The following NLRP5 variants were observed in gnomAD, a reference collection of about 807,000 sequenced individuals.
The protein encoded by NLRP5 is NLR family pyrin domain containing 5, also known as NACHT, LRR and PYD domains-containing protein 5.
NLRP5 carries 93 observed loss-of-function variants against 113.1 expected under a neutral mutation model. The ratio of observed to expected loss-of-function variants is 0.82; its 90% confidence interval spans 0.70 to 0.98. NLRP5 has a LOEUF of 0.98. Among genes scored for constraint, NLRP5 ranks in the 50% least tolerant of loss-of-function variants. The pLI is 0.00. For synonymous variants in NLRP5, 751 were observed against 600.7 expected, an observed-to-expected ratio of 1.25 and a Z score of -3.66; for missense variants, 1,808 against 1,514.3, an observed-to-expected ratio of 1.19 and a Z score of -3.22.
upstream of NLRP5, among the ~76,000 whole-genome samples, chr19:55,998,208 G>C (rs1427535250): frequency 1.3e-5 from 2 of 151,944 alleles, no homozygotes; most frequent in Non-Finnish European, 2.9e-5. Context: ...AAAAATATAA[G>C]AAACCAGGTG....
At chr19:56,021,383 A>G (rs2123294839) in intron 6 of NLRP5, among the ~76,000 whole-genome samples, 1 of 152,258 alleles carries the variant, frequency 6.6e-6, no homozygotes, top group African/African-American at 2.4e-5. Flanking sequence ...TATATGATTC[A>G]ATTATTTTTA....
chr19:56,058,439 T>C, intron 14 of NLRP5, 29 bp downstream of exon 14: 1 of 1,580,568 alleles, frequency 6.3e-7, no homozygotes, highest in Non-Finnish European at 8.6e-7. Flanking sequence ...TCTTCTGAGA[T>C]ACAGACCTGC....
Position 56,061,787 on chromosome 19 carries a change from A to C in NLRP5, c.*259A>C, listed in dbSNP as rs1182958170. Reference sequence around the variant, plus strand: ...ATCTCAGAGCATATAGAGGGAATTAAATAAACACAAAGCATTTGGAAAAGT... The same window carrying C: ...ATCTCAGAGCATATAGAGGGAATTACATAAACACAAAGCATTTGGAAAAGT... On this transcript the variant is annotated 3_prime_UTR_variant, in exon 15 of 15. Coordinates refer to ENST00000390649, the MANE Select transcript of NLRP5 (RefSeq NM_153447.4). The C allele has an allele frequency of 2.8e-6, 1 of 360,700 alleles. No homozygotes were observed. Among genetic ancestry groups the C allele is most frequent in the Non-Finnish European group, 5.0e-6 (1 of 200,558 alleles). The allele number at this position is 360,700 out of a possible 1,614,324, so 22.3% of individuals were successfully genotyped here.
chr19:56,048,722 C>T (rs1983816345), intron 11 of NLRP5, among the ~76,000 whole-genome samples: 1 of 152,112 alleles, frequency 6.6e-6, no homozygotes, highest in African/African-American at 2.4e-5. Context: ...TGATTAATTT[C>T]CTGGGTGTTC....
chr19:56,053,600 G>A (rs1432578462), intron 12 of NLRP5, 38 bp from the exon 13 acceptor site: 15 of 1,583,542 alleles, frequency 9.5e-6, no homozygotes, highest in African/African-American at 1.3e-5. Flanking sequence ...CACTTTCCTC[G>A]AGAGAGGCAG....
chr19:56,022,192 G>A (rs952530821), intron 6 of NLRP5, among the ~76,000 whole-genome samples: 1 of 152,022 alleles, frequency 6.6e-6, no homozygotes, highest in African/African-American at 2.4e-5. Context: ...ACACCTTCAC[G>A]CTAACCTAGT....
the NLRP5 span, chr19:55,988,753 T>C: frequency 7.2e-5 from 11 of 152,088 alleles, no homozygotes; most frequent in African/African-American, 1.4e-4. Flanking sequence ...TTAATTCAAA[T>C]TACGTGTATA....
intron 6 of NLRP5, among the ~76,000 whole-genome samples, chr19:56,024,429 ACACATAT>A (rs1385827658): frequency 3.4e-5 from 5 of 145,762 alleles, no homozygotes; most frequent in African/African-American, 1.3e-4. Context: ...TGTTATATAT[ACACATAT>A]ACATATATTT....
Position 56,003,767 on chromosome 19 carries a change from A to G in NLRP5, c.114A>G (p.Pro38=), listed in dbSNP as rs762950256. Reference sequence around the variant, plus strand: ...CTTGCTCTATATTACCAAAGAATCCACTTTTCCCCCAAAACCTGAGCTCTC... The same window carrying G: ...CTTGCTCTATATTACCAAAGAATCCGCTTTTCCCCCAAAACCTGAGCTCTC... The change falls in exon 2 of 15, where the codon CCA becomes CCG. Residue 38 remains proline (P), a synonymous_variant. Transcript: ENST00000390649. 6.2e-7 allele frequency: 1 copy of G among 1,613,630 alleles called. No individual in the cohort carries two copies. The highest frequency in any genetic ancestry group is 2.2e-5 in the East Asian group (1 of 44,866).
chr19:56,033,411 A>G (rs1207834483), intron 8 of NLRP5, 131 bp from the exon 9 acceptor site: 4 of 712,460 alleles, frequency 5.6e-6, no homozygotes, highest in Non-Finnish European at 9.7e-6. Flanking sequence ...GCACTCAGGT[A>G]TTCGTTGTTT....
At chr19:56,046,055 A>G (rs770229851) in intron 11 of NLRP5, among the ~76,000 whole-genome samples, 19 of 152,176 alleles carry the variant, frequency 1.2e-4, no homozygotes, top group Non-Finnish European at 2.6e-4. Context: ...AATGCTTTCA[A>G]CTTTTCCCCA....
chr19:56,025,662 A>G (rs750836431), intron 6 of NLRP5, among the ~76,000 whole-genome samples: 3 of 151,846 alleles, frequency 2.0e-5, no homozygotes, highest in Non-Finnish European at 4.4e-5. Context: ...CACATGCCTC[A>G]GCCTCCCAAA....
At chr19:55,988,040 A>G in the NLRP5 span, 3 of 686,504 alleles carry the variant, frequency 4.4e-6, no homozygotes, top group East Asian at 5.6e-5. Context: ...CCCAGTCAAC[A>G]CCACAGAACC....
chr19:56,030,714 C>CTTCTTCTTTTTTTTTTTTTT (rs1555767859), intron 7 of NLRP5, among the ~76,000 whole-genome samples: 4 of 71,350 alleles, frequency 5.6e-5, no homozygotes, highest in African/African-American at 2.9e-4. Context: ...CTTTCTTCTT[C>CTTCTTCTTTTTTTTTTTTTT]TTTTTTTTTT....
chr19:55,998,692 ATATATATATATGTGTGTGTG>A (rs1981444533), upstream of NLRP5, among the ~76,000 whole-genome samples: 1 of 51,536 alleles, frequency 1.9e-5, no homozygotes. Context: ...ATATATATAT[ATATATATATATGTGTGTGTG>A]TGTATATATA....
chr19:56,029,656 C>T (rs189406399), intron 7 of NLRP5, among the ~76,000 whole-genome samples: 1 of 152,324 alleles, frequency 6.6e-6, no homozygotes, highest in East Asian at 1.9e-4. Flanking sequence ...TCAGTGTCAT[C>T]CTCCTATGAC....
At chr19:56,057,094 C>G (rs891337152) in intron 13 of NLRP5, among the ~76,000 whole-genome samples, 1 of 152,164 alleles carries the variant, frequency 6.6e-6, no homozygotes, top group African/African-American at 2.4e-5. Context: ...CGAGCTCGTG[C>G]CACCACACCC....
At position 56,027,986 on chromosome 19, in the gene NLRP5, C is replaced by G. The variant is rs1982939920; in HGVS notation, c.1753C>G (p.Leu585Val). 1 of 1,613,896 alleles carries G rather than the reference C, an allele frequency of 6.2e-7. No homozygotes were observed. Among genetic ancestry groups the G allele is most frequent in the Admixed American group, 1.7e-5 (1 of 60,000 alleles). Residue 585 changes from leucine (L) to valine (V), a missense_variant, in exon 7 of 15, where the codon CTC becomes GTC. Physicochemically the swap from Leu to Val is conservative, Grantham distance 32. Coordinates refer to ENST00000390649, the MANE Select transcript of NLRP5 (RefSeq NM_153447.4). ...TGAGGAGTACTACACCTTCTTCCACCTCAGTCTCCAGGACTTCTGTGCCGC... is the reference window on the plus strand; with the variant it reads ...TGAGGAGTACTACACCTTCTTCCACGTCAGTCTCCAGGACTTCTGTGCCGC...
At chr19:56,053,520 A>C in intron 12 of NLRP5, 118 bp from the exon 13 acceptor site, 1 of 888,662 alleles carries the variant, frequency 1.1e-6, no homozygotes, top group Non-Finnish European at 1.7e-6. Context: ...AGGAGTGGAC[A>C]AAACAGTGGC....
Sources: allele counts gnomAD v4.1 joint callset (sites outside exome capture counted in the v4.1 genomes callset), GRCh38; gene constraint gnomAD v4.1.1; transcripts MANE v1.5; gene names NCBI Gene and HGNC (gene_info 2026-07-23, HGNC 2026-07-21).